The following PCNX2 variants were observed in gnomAD, a reference collection of about 807,000 sequenced individuals.
The protein encoded by PCNX2 is pecanex-like protein 2.
Under a neutral mutation model 223.8 loss-of-function variants are expected in PCNX2, and 168 were observed. The ratio of observed to expected loss-of-function variants is 0.75; its 90% confidence interval spans 0.66 to 0.85. PCNX2 has a LOEUF of 0.85. Among genes scored for constraint, PCNX2 ranks in the 40% least tolerant of loss-of-function variants. The pLI is 0.00. For missense variants in PCNX2, 2,507 were observed against 2,675.5 expected, an observed-to-expected ratio of 0.94 and a Z score of 1.39; for synonymous variants, 1,006 against 1,052.6, an observed-to-expected ratio of 0.96 and a Z score of 0.86.
chr1:233,002,520 T>A (rs1421451986), intron 28 of PCNX2, among the ~76,000 whole-genome samples: 1 of 152,162 alleles, frequency 6.6e-6, no homozygotes, highest in Non-Finnish European at 1.5e-5. Context: ...CACAAACAAA[T>A]GGAAAAACAT....
At chr1:233,066,958 C>A (rs1672635901) in intron 23 of PCNX2, among the ~76,000 whole-genome samples, 1 of 152,052 alleles carries the variant, frequency 6.6e-6, no homozygotes, top group Non-Finnish European at 1.5e-5. Flanking sequence ...GGAATCTGAA[C>A]TCCCACCCCC....
chr1:233,199,817 CACACTT>C, intron 14 of PCNX2, among the ~76,000 whole-genome samples: 1 of 152,022 alleles, frequency 6.6e-6, no homozygotes, highest in Admixed American at 6.5e-5. Flanking sequence ...CACACACACA[CACACTT>C]ATATCCACTC....
intron 17 of PCNX2, among the ~76,000 whole-genome samples, chr1:233,166,099 G>T (rs1206683874): frequency 4.6e-5 from 7 of 152,096 alleles, no homozygotes; most frequent in Non-Finnish European, 8.8e-5. Flanking sequence ...AAGTGCAATG[G>T]TGAAATGACA....
chr1:233,233,106 A>G (rs936490524), intron 9 of PCNX2, among the ~76,000 whole-genome samples: 1 of 152,152 alleles, frequency 6.6e-6, no homozygotes, highest in Non-Finnish European at 1.5e-5. Flanking sequence ...AAAATGTTTC[A>G]AGGTGATTGC....
intron 8 of PCNX2, among the ~76,000 whole-genome samples, chr1:233,248,725 T>G (rs182339746): frequency 6.6e-6 from 1 of 152,298 alleles, no homozygotes; most frequent in East Asian, 1.9e-4. Context: ...CTGACTATTC[T>G]GTGGACTTGA....
chr1:233,234,935 G>C (rs2102959027), intron 9 of PCNX2, among the ~76,000 whole-genome samples: 1 of 152,154 alleles, frequency 6.6e-6, no homozygotes, highest in East Asian at 1.9e-4. Flanking sequence ...CCTTGTACGG[G>C]CTGACAGTGT....
chr1:233,042,834 T>A (rs547338375), intron 25 of PCNX2, among the ~76,000 whole-genome samples: 1 of 152,344 alleles, frequency 6.6e-6, no homozygotes, highest in East Asian at 1.9e-4. Flanking sequence ...AAATGAATTA[T>A]ACCCCAGTTA....
intron 23 of PCNX2, among the ~76,000 whole-genome samples, chr1:233,080,425 CACACAT>C (rs1673305196): frequency 6.7e-6 from 1 of 150,326 alleles, no homozygotes; most frequent in Admixed American, 6.6e-5. Context: ...CACACACACA[CACACAT>C]GCACGCATCT....
chr1:233,177,358 C>A (rs756021474), intron 17 of PCNX2, among the ~76,000 whole-genome samples: 21 of 152,102 alleles, frequency 1.4e-4, no homozygotes, highest in Non-Finnish European at 8.8e-5. Context: ...TCTCCTCTAC[C>A]TTTGCCTCTT....
chr1:233,045,905 G>T (rs1445508815), intron 25 of PCNX2, among the ~76,000 whole-genome samples: 1 of 152,220 alleles, frequency 6.6e-6, no homozygotes, highest in East Asian at 1.9e-4. Context: ...CTTGGCCCTT[G>T]TCCAATAGCT....
chr1:233,294,091 T>TCACCA, intron 1 of PCNX2: 1 of 657,418 alleles, frequency 1.5e-6, no homozygotes, highest in Non-Finnish European at 1.9e-6. Flanking sequence ...GATGATCACA[T>TCACCA]CCGTTTTAAT....
At chr1:233,053,229 C>T (rs1000110463) in intron 25 of PCNX2, among the ~76,000 whole-genome samples, 2 of 151,948 alleles carry the variant, frequency 1.3e-5, no homozygotes, top group Admixed American at 6.5e-5. Context: ...TTGCCGCAAG[C>T]GCTGGTCAGC....
At chr1:233,125,650 G>A (rs1676052752) in intron 21 of PCNX2, among the ~76,000 whole-genome samples, 1 of 152,184 alleles carries the variant, frequency 6.6e-6, no homozygotes, top group South Asian at 2.1e-4. Context: ...GAATGAACAT[G>A]TGACACAAAA....
chr1:233,077,042 A>G (rs1673125391), intron 23 of PCNX2, among the ~76,000 whole-genome samples: 3 of 152,206 alleles, frequency 2.0e-5, no homozygotes, highest in Non-Finnish European at 4.4e-5. Flanking sequence ...AACATAGCAT[A>G]GGGCTTTTGG....
intron 8 of PCNX2, among the ~76,000 whole-genome samples, chr1:233,239,644 A>T (rs1050641956): frequency 3.3e-5 from 5 of 152,216 alleles, no homozygotes; most frequent in African/African-American, 1.2e-4. Flanking sequence ...CGTAGGTATC[A>T]TTGTGAAAAC....
intron 12 of PCNX2, among the ~76,000 whole-genome samples, chr1:233,213,173 T>G (rs1307163832): frequency 6.6e-6 from 1 of 152,178 alleles, no homozygotes; most frequent in Non-Finnish European, 1.5e-5. Context: ...TTGGATTTCT[T>G]CCAGTATCCA....
At chr1:233,265,409 A>G (rs1236260568) in intron 1 of PCNX2, among the ~76,000 whole-genome samples, 4 of 152,308 alleles carry the variant, frequency 2.6e-5, no homozygotes, top group African/African-American at 9.6e-5. Context: ...CTGAGGCCAT[A>G]TGACTACTTT....
chr1:233,271,519 C>T (rs1572183594), intron 1 of PCNX2, among the ~76,000 whole-genome samples: 1 of 127,936 alleles, frequency 7.8e-6, no homozygotes, highest in Non-Finnish European at 1.9e-5. Context: ...AAGCCTATAT[C>T]AATTAATGTT....
chr1:233,216,883 A>C (rs1033603821), intron 12 of PCNX2, among the ~76,000 whole-genome samples: 13 of 152,214 alleles, frequency 8.5e-5, no homozygotes, highest in Admixed American at 8.5e-4. Flanking sequence ...CAGCCTAAAA[A>C]AAGAAGACCA....
Sources: gnomAD v4.1 joint callset for allele counts (sites outside exome capture counted in the v4.1 genomes callset) on GRCh38, gnomAD v4.1.1 for gene constraint, MANE v1.5 for transcripts, NCBI Gene and HGNC (gene_info 2026-07-23, HGNC 2026-07-21) for gene names.